The following TMC5 variants were observed in gnomAD, a reference collection of about 807,000 sequenced individuals.
TMC5 encodes transmembrane channel like 5.
A neutral mutation model predicts 110.5 loss-of-function variants in TMC5; 86 were observed. The observed-to-expected ratio is 0.78, with a 90% CI of 0.65 to 0.93. The LOEUF (loss-of-function observed/expected upper bound fraction) is 0.93, where lower values mean the gene tolerates loss of function less well. TMC5 is among the 40% of genes least tolerant of loss of function. The pLI is 0.00. For missense variants in TMC5, 1,144 were observed against 1,222.8 expected (o/e 0.94, Z 0.96); for synonymous variants, 455 against 439.5 (o/e 1.04, Z -0.44).
In TMC5 at chr16:19,461,468, G is replaced by A. The variant is rs543370612; in HGVS notation, c.1148+1134G>A. ...ATGCGCCTGTAATCCCAGCTACTGGGGAGGCTGAGACAGGAGAATCGCTTG... is the reference window on the plus strand; with the variant it reads ...ATGCGCCTGTAATCCCAGCTACTGGAGAGGCTGAGACAGGAGAATCGCTTG... On this transcript the variant is annotated intron_variant, in intron 6 of 21. Transcript: ENST00000542583. 9.9e-5 allele frequency among the ~76,000 whole-genome samples: 15 copies of A among 152,216 alleles called. No individual in the cohort carries two copies. The South Asian group carries it at 2.9e-3, about 29-fold the overall frequency.
intron 9 of TMC5, among the ~76,000 whole-genome samples, chr16:19,466,641 C>T (rs531246537): frequency 6.6e-6 from 1 of 152,198 alleles, no homozygotes; most frequent in African/African-American, 2.4e-5. Flanking sequence ...CGTGAGCCAC[C>T]GTGCCCAGCC....
chr16:19,473,275 G>A (rs1413684467), intron 11 of TMC5, among the ~76,000 whole-genome samples: 2 of 144,020 alleles, frequency 1.4e-5, no homozygotes, highest in East Asian at 4.2e-4. Context: ...GAACCTCGGA[G>A]GCAGAGGTTG....
chr16:19,487,167 G>A (rs1353959685), intron 16 of TMC5, 26 bp from the exon 17 acceptor site: 11 of 1,606,370 alleles, frequency 6.8e-6, no homozygotes, highest in South Asian at 1.1e-5. Flanking sequence ...GCTGCAGATG[G>A]GAGGTGGCTG....
At chr16:19,435,335 C>A (rs1267333087) in intron 2 of TMC5, among the ~76,000 whole-genome samples, 11 of 138,854 alleles carry the variant, frequency 7.9e-5, no homozygotes, top group Admixed American at 1.5e-4. Context: ...ACTAAAAATA[C>A]AAAAAAAAAA....
chr16:19,496,818 A>C (rs964004978), intron 20 of TMC5, among the ~76,000 whole-genome samples: 1 of 143,014 alleles, frequency 7.0e-6, no homozygotes, highest in Non-Finnish European at 1.5e-5. Context: ...GGAACCCGAG[A>C]GGCGGAGGTT....
Position 19,498,361 on chromosome 16 carries a change from A to G in TMC5, c.*395A>G. 1 of 202,034 alleles carries G rather than the reference A, an allele frequency of 4.9e-6. No homozygotes were observed. The highest frequency in any genetic ancestry group is 1.0e-5 in the Non-Finnish European group (1 of 100,090). 12.5% of individuals were successfully genotyped at this position (202,034 alleles called of 1,614,324 possible). ...CAAAGGTTTAGAAACTGTTGCTAAG[A>G]AAAGTGGTCCATCCTGAATAAACAT... On this transcript the variant is annotated 3_prime_UTR_variant, in exon 22 of 22. Transcript: ENST00000542583.
chr16:19,448,716 T>C (rs949749291), intron 4 of TMC5, among the ~76,000 whole-genome samples: 16 of 145,376 alleles, frequency 1.1e-4, no homozygotes, highest in Non-Finnish European at 2.3e-4. Flanking sequence ...TAATATATTA[T>C]ATTTATTTTT....
Position 19,474,196 on chromosome 16 carries a change from C to T in TMC5, c.2010C>T (p.Ala670=), listed in dbSNP as rs374629960. Residue 670 remains alanine (A), a synonymous_variant, in exon 12 of 22, where the codon GCC becomes GCT. Coordinates refer to ENST00000542583, the MANE Select transcript of TMC5 (RefSeq NM_001261841.2). ...LPFVVSCINL[A]VPCIYSMFRL... ...TCGTTGTGTCCTGCATTAATCTGGC[C>T]GTGCCATGCATCTACTCCATGTTCA... 7.2e-5 allele frequency: 117 copies of T among 1,613,972 alleles called. No individual in the cohort carries two copies. The highest frequency in any genetic ancestry group is 1.6e-4 in the Middle Eastern group (1 of 6,062).
chr16:19,487,334 A>G lies in TMC5; in HGVS notation c.2573+8A>G, dbSNP rs1210406366. ...GGCCATCACCATCTGGAGGTAGGAG[A>G]AGGTGGCCTTGGGGGAGGTTTTAGA... On this transcript the variant is annotated splice_region_variant and intron_variant, in intron 17 of 21. Coordinates refer to ENST00000542583, the MANE Select transcript of TMC5 (RefSeq NM_001261841.2). 6.2e-7 allele frequency: 1 copy of G among 1,610,478 alleles called. No individual in the cohort carries two copies. The highest frequency in any genetic ancestry group is 8.5e-7 in the Non-Finnish European group (1 of 1,178,716).
chr16:19,477,695 C>T (rs1315529382), intron 13 of TMC5, among the ~76,000 whole-genome samples, 177 bp downstream of exon 13: 3 of 152,218 alleles, frequency 2.0e-5, no homozygotes, highest in African/African-American at 7.2e-5. Context: ...CAAAAAAGCT[C>T]AGGTTCTAGA....
chr16:19,477,597 C>A, intron 13 of TMC5, 79 bp downstream of exon 13: 1 of 932,198 alleles, frequency 1.1e-6, no homozygotes, highest in Non-Finnish European at 1.7e-6. Flanking sequence ...TTCTCAAGAG[C>A]CATCACACTC....
At chr16:19,447,121 A>C (rs1967632302) in intron 4 of TMC5, among the ~76,000 whole-genome samples, 1 of 152,188 alleles carries the variant, frequency 6.6e-6, no homozygotes, top group African/African-American at 2.4e-5. Context: ...TCGTACAATA[A>C]ACAAGCATTT....
chr16:19,418,930 T>C (rs1023539966), intron 1 of TMC5, among the ~76,000 whole-genome samples: 1 of 152,148 alleles, frequency 6.6e-6, no homozygotes, highest in African/African-American at 2.4e-5. Flanking sequence ...GGTCTGACTA[T>C]ATTGCCTAGG....
chr16:19,420,515 C>T (rs1268595494), intron 1 of TMC5, among the ~76,000 whole-genome samples: 6 of 152,096 alleles, frequency 3.9e-5, no homozygotes, highest in Non-Finnish European at 7.4e-5. Flanking sequence ...GGCTGGAGTG[C>T]AGTGGCATGA....
At position 19,440,105 on chromosome 16, in the gene TMC5, C is replaced by A. The variant is rs767981243; in HGVS notation, c.67C>A (p.Gln23Lys). The change falls in exon 3 of 22, where the codon CAG (glutamine) becomes AAG (lysine). Residue 23 changes from glutamine (Q) to lysine (K), a missense_variant. Coordinates refer to ENST00000542583, the MANE Select transcript of TMC5 (RefSeq NM_001261841.2). ...DPDYPDYSGS[Q>K]NRTQGYLKTQ... ...AGATTACCCTGACTATTCAGGGTCT[C>A]AGAACCGTACGCAGGGGTATTTGAA... The A allele has an allele frequency of 6.2e-7, 1 of 1,613,984 alleles. No individual in the cohort carries two copies. Among genetic ancestry groups the A allele is most frequent in the Non-Finnish European group, 8.5e-7 (1 of 1,180,018 alleles).
At chr16:19,416,588 T>TG (rs1326388908), upstream of TMC5, among the ~76,000 whole-genome samples, 3 of 152,130 alleles carry the variant, frequency 2.0e-5, no homozygotes, top group African/African-American at 7.2e-5. Flanking sequence ...TGTAGGTTAA[T>TG]GGGGAGGAAA....
intron 15 of TMC5, 52 bp from the exon 16 acceptor site, chr16:19,486,893 C>G: frequency 6.6e-7 from 1 of 1,523,052 alleles, no homozygotes. Flanking sequence ...AGATTCACCC[C>G]GACTCCTTGT....
chr16:19,432,959 AAT>A (rs1967224259), intron 2 of TMC5, among the ~76,000 whole-genome samples: 1 of 152,126 alleles, frequency 6.6e-6, no homozygotes, highest in Admixed American at 6.6e-5. Context: ...GATATGAATA[AAT>A]ATATACATAA....
At chr16:19,424,958 G>C (rs890350837) in intron 1 of TMC5, among the ~76,000 whole-genome samples, 1 of 152,162 alleles carries the variant, frequency 6.6e-6, no homozygotes, top group Non-Finnish European at 1.5e-5. Context: ...CTCCATCCAG[G>C]AACCCCTGTT....
Sources: gnomAD v4.1 joint callset for allele counts (sites outside exome capture counted in the v4.1 genomes callset) on GRCh38, gnomAD v4.1.1 for gene constraint, MANE v1.5 for transcripts, NCBI Gene and HGNC (gene_info 2026-07-23, HGNC 2026-07-21) for gene names.